CNOT7: variants seen among roughly 807,000 people sequenced by gnomAD.
The protein encoded by CNOT7 is BTG1-binding factor 1.
In CNOT7, 4 loss-of-function variants were observed where a neutral mutation model predicts 37.1. That is an observed-to-expected ratio of 0.11 (90% confidence interval 0.05 to 0.25). The LOEUF is 0.25. CNOT7 is among the 10% of genes least tolerant of loss of function. CNOT7 has a pLI of 1.00. For missense variants in CNOT7, 170 were observed against 336.2 expected (o/e 0.51, Z 3.87); for synonymous variants, 128 against 115.6 (o/e 1.11, Z -0.69).
At chr8:17,236,386 G>A (rs1809363177) in intron 4 of CNOT7, among the ~76,000 whole-genome samples, 1 of 152,192 alleles carries the variant, frequency 6.6e-6, no homozygotes, top group Admixed American at 6.5e-5. Flanking sequence ...TGGAACGTCA[G>A]TTTAGTTTAC....
In CNOT7 at chr8:17,226,934, A is replaced by C. The variant is rs566556301; in HGVS notation, c.*3786T>G. On this transcript the variant is annotated 3_prime_UTR_variant, in exon 7 of 7. Coordinates refer to ENST00000361272, the MANE Select transcript of CNOT7 (RefSeq NM_013354.7). ...TGTCAGCCCAGAGCCCAAAAAAATAAAAATAAATCTTTAGCACTGCTAAGC... is the reference window on the plus strand; with the variant it reads ...TGTCAGCCCAGAGCCCAAAAAAATACAAATAAATCTTTAGCACTGCTAAGC... The C allele has an allele frequency of 1.4e-4, 21 of 151,892 alleles. No homozygotes were observed. In the South Asian group the frequency reaches 4.1e-3, roughly 30 times the overall value. The allele number at this position is 151,892 out of a possible 1,614,324, so 9.4% of individuals were successfully genotyped here.
chr8:17,239,173 C>A (rs1251171025), intron 3 of CNOT7, among the ~76,000 whole-genome samples: 1 of 152,200 alleles, frequency 6.6e-6, no homozygotes, highest in Non-Finnish European at 1.5e-5. Context: ...CTTTTGTAGC[C>A]TCCCAAGTAG....
At chr8:17,244,686 G>A (rs547827547) in intron 2 of CNOT7, 2 of 178,332 alleles carry the variant, frequency 1.1e-5, no homozygotes, top group African/African-American at 4.7e-5. Context: ...CCCAATCACA[G>A]AATTACCCCA....
intron 3 of CNOT7, among the ~76,000 whole-genome samples, chr8:17,240,352 ATTTT>A (rs111442538): frequency 6.8e-6 from 1 of 146,598 alleles, no homozygotes. Flanking sequence ...ACATTTTGAG[ATTTT>A]TTTTTTTTTT....
At chr8:17,239,467 C>A (rs1323028827) in intron 3 of CNOT7, among the ~76,000 whole-genome samples, 1 of 152,198 alleles carries the variant, frequency 6.6e-6, no homozygotes, top group East Asian at 1.9e-4. Context: ...GTAATTTCTA[C>A]TATCCTATTG....
At chr8:17,244,951 C>G (rs1478953771) in intron 2 of CNOT7, 85 bp downstream of exon 2, 1 of 1,123,504 alleles carries the variant, frequency 8.9e-7, no homozygotes, top group Non-Finnish European at 1.3e-6. Context: ...CTAAAAATAT[C>G]AACCAAAAGG....
intron 3 of CNOT7, chr8:17,241,830 T>C (rs1202963292): frequency 1.3e-5 from 2 of 152,174 alleles, no homozygotes; most frequent in Non-Finnish European, 2.9e-5. Flanking sequence ...ATCATCAAAC[T>C]TCTAGATAAA....
chr8:17,239,668 T>G (rs929559542), intron 3 of CNOT7, among the ~76,000 whole-genome samples: 1 of 152,082 alleles, frequency 6.6e-6, no homozygotes, highest in Non-Finnish European at 1.5e-5. Flanking sequence ...ATTTTTTTTG[T>G]ATTTTTAGTA....
intron 4 of CNOT7, among the ~76,000 whole-genome samples, chr8:17,236,028 AG>A (rs1378328070): frequency 6.6e-6 from 1 of 152,192 alleles, no homozygotes; most frequent in Non-Finnish European, 1.5e-5. Context: ...TATCTAGGGA[AG>A]AAAAATGACT....
At chr8:17,241,020 G>A (rs1052571158) in intron 3 of CNOT7, among the ~76,000 whole-genome samples, 1 of 152,188 alleles carries the variant, frequency 6.6e-6, no homozygotes, top group African/African-American at 2.4e-5. Context: ...TGGGCCAAGG[G>A]TTGGACAAGT....
rs1409175952 is a variant in CNOT7 at position 17,227,177 on chromosome 8, T to C, written c.*3543A>G. 2 of 151,880 alleles carry C rather than the reference T, an allele frequency of 1.3e-5. No individual in the cohort carries two copies. Among genetic ancestry groups the C allele is most frequent in the African/African-American group, 4.8e-5 (2 of 41,402 alleles). The allele number at this position is 151,880 out of a possible 1,614,324, so 9.4% of individuals were successfully genotyped here. ...AAACAACTTACGTTTTCACAAGCCT[T>C]AAAATTTGACCAAATAAACTTTTTT... On this transcript the variant is annotated 3_prime_UTR_variant, in exon 7 of 7. Coordinates refer to ENST00000361272, the MANE Select transcript of CNOT7 (RefSeq NM_013354.7).
At chr8:17,246,336 G>A (rs1469963294) in intron 1 of CNOT7, 3 of 152,288 alleles carry the variant, frequency 2.0e-5, no homozygotes, top group Non-Finnish European at 4.4e-5. Context: ...CCAGTGCGAA[G>A]GTGCTGATAA....
intron 2 of CNOT7, among the ~76,000 whole-genome samples, chr8:17,244,024 C>A (rs1810546413): frequency 6.6e-6 from 1 of 152,140 alleles, no homozygotes; most frequent in Non-Finnish European, 1.5e-5. Context: ...TATCAAGTCA[C>A]TATGAAATAG....
At chr8:17,245,269 AT>A in intron 1 of CNOT7, 22 bp from the exon 2 acceptor site, 1 of 1,069,942 alleles carries the variant, frequency 9.3e-7, no homozygotes, top group African/African-American at 1.6e-5. Context: ...AAAAAACAAT[AT>A]GAAGACCAGA....
At chr8:17,241,208 G>A (rs1810115476) in intron 3 of CNOT7, 1 of 151,802 alleles carries the variant, frequency 6.6e-6, no homozygotes. Flanking sequence ...TGTAGTGCTA[G>A]CTACCTGTAC....
In CNOT7 at chr8:17,228,631, A is replaced by AT. The variant is rs1327025743; in HGVS notation, c.*2088_*2089insA. 1 of 151,942 alleles carries AT rather than the reference A, an allele frequency of 6.6e-6. No individual in the cohort carries two copies. Among genetic ancestry groups the AT allele is most frequent in the Non-Finnish European group, 1.5e-5 (1 of 67,858 alleles). 9.4% of individuals were successfully genotyped at this position (151,942 alleles called of 1,614,324 possible). On this transcript the variant is annotated 3_prime_UTR_variant, in exon 7 of 7. Transcript: ENST00000361272. ...ACTTTTGATGGGGTTACCTCTCAAT[A>AT]CACCCACTGTAAAGTTGAAAAATCA...
intron 3 of CNOT7, chr8:17,242,577 A>T (rs1389566525): frequency 6.5e-6 from 1 of 153,980 alleles, no homozygotes; most frequent in African/African-American, 2.4e-5. Flanking sequence ...GTTCCAGAAA[A>T]CGTCTTACTG....
At chr8:17,237,396 A>C in intron 3 of CNOT7, 23 bp from the exon 4 acceptor site, 1 of 1,609,812 alleles carries the variant, frequency 6.2e-7, no homozygotes, top group Non-Finnish European at 8.5e-7. Flanking sequence ...AGAGAAAGAC[A>C]ACATTCAAAC....
At chr8:17,234,488 G>A in intron 5 of CNOT7, 1 of 487,274 alleles carries the variant, frequency 2.1e-6, no homozygotes, top group South Asian at 2.2e-5. Context: ...ACCTAAGCCT[G>A]AAATGTGTTG....
Sources: allele counts gnomAD v4.1 joint callset (sites outside exome capture counted in the v4.1 genomes callset), GRCh38; gene constraint gnomAD v4.1.1; transcripts MANE v1.5; gene names NCBI Gene and HGNC (gene_info 2026-07-23, HGNC 2026-07-21).